Variants in THADA observed in about 807,000 individuals in gnomAD.
THADA encodes the protein THADA armadillo repeat containing, also known as tRNA (32-2'-O)-methyltransferase regulator THADA.
Under a neutral mutation model 219.8 loss-of-function variants are expected in THADA, and 213 were observed. The ratio of observed to expected loss-of-function variants is 0.97; its 90% CI spans 0.87 to 1.09. THADA has a LOEUF of 1.09. THADA is among the 50% of genes least tolerant of loss of function. The pLI is 0.00. For missense variants in THADA, 2,956 were observed against 2,311.3 expected, an observed-to-expected ratio of 1.28 and a Z score of -5.72; for synonymous variants, 1,018 against 828.9, an observed-to-expected ratio of 1.23 and a Z score of -3.92.
intron 31 of THADA, among the ~76,000 whole-genome samples, chr2:43,303,736 G>T: frequency 7.8e-6 from 1 of 127,894 alleles, no homozygotes; most frequent in Non-Finnish European, 1.6e-5. Context: ...GGTGGGGCCG[G>T]GGGTGGGGGA....
At chr2:43,279,635 A>G in intron 36 of THADA, 130 bp downstream of exon 36, 1 of 1,213,432 alleles carries the variant, frequency 8.2e-7, no homozygotes, top group South Asian at 1.7e-5. Context: ...CTTTCCCACT[A>G]AGATGGCAGA....
intron 26 of THADA, among the ~76,000 whole-genome samples, chr2:43,465,092 AT>A (rs1452353909): frequency 6.6e-6 from 1 of 152,082 alleles, no homozygotes; most frequent in Non-Finnish European, 1.5e-5. Flanking sequence ...GAAAACCTTG[AT>A]TTGGCAGTTT....
At chr2:43,448,566 T>C (rs1424527492) in intron 26 of THADA, among the ~76,000 whole-genome samples, 3 of 149,930 alleles carry the variant, frequency 2.0e-5, no homozygotes, top group African/African-American at 7.4e-5. Flanking sequence ...CTTTCTTTTT[T>C]TTTTTTTTTT....
At chr2:43,478,826 T>G (rs185971637) in intron 26 of THADA, among the ~76,000 whole-genome samples, 15 of 152,214 alleles carry the variant, frequency 9.9e-5, no homozygotes, top group African/African-American at 3.6e-4. Context: ...AAAACTTTAT[T>G]TGTGGTTCTC....
At position 43,591,954 on chromosome 2, in the gene THADA, GT is replaced by G; in HGVS notation, c.168del (p.Lys56AsnfsTer27). On this transcript the variant is annotated frameshift_variant, in exon 3 of 38. Transcript: ENST00000405975. LOFTEE classifies it high-confidence loss of function. ...CATGAATATCAATTCAGACTTACCT[GT>G]TTAATATAATGGATTTGTGACACTC... ...TDGVSQIHYI[K>X]QIVPLLEKAD... 2 of 1,533,792 alleles carry G rather than the reference GT, an allele frequency of 1.3e-6. No homozygotes were observed. Among genetic ancestry groups the G allele is most frequent in the Non-Finnish European group, 8.8e-7 (1 of 1,136,992 alleles).
chr2:43,231,378 C>G, intron 37 of THADA, 35 bp from the exon 38 acceptor site: 1 of 1,480,416 alleles, frequency 6.8e-7, no homozygotes, highest in Non-Finnish European at 9.0e-7. Flanking sequence ...GTCAGTCTTA[C>G]AGGGAATGGT....
intron 25 of THADA, among the ~76,000 whole-genome samples, chr2:43,498,632 G>C (rs1035499856): frequency 6.6e-6 from 1 of 151,502 alleles, no homozygotes; most frequent in Non-Finnish European, 1.5e-5. Context: ...AAAAAAGAAA[G>C]ATGGCTAACA....
intron 29 of THADA, among the ~76,000 whole-genome samples, chr2:43,396,652 T>C (rs1674075900): frequency 1.3e-5 from 2 of 151,572 alleles, no homozygotes; most frequent in South Asian, 4.2e-4. Flanking sequence ...AATACAAAAA[T>C]TAGTGACTGT....
intron 3 of THADA, 59 bp from the exon 4 acceptor site, chr2:43,591,013 T>C (rs1028011649): frequency 1.3e-6 from 2 of 1,508,924 alleles, no homozygotes; most frequent in African/African-American, 2.8e-5. Context: ...AGTAACATGG[T>C]TACAGATACT....
At chr2:43,364,184 C>T (rs1669858711) in intron 29 of THADA, among the ~76,000 whole-genome samples, 1 of 152,082 alleles carries the variant, frequency 6.6e-6, no homozygotes, top group South Asian at 2.1e-4. Flanking sequence ...AGATCTGCTG[C>T]TGCACTCCAG....
At position 43,579,309 on chromosome 2, in the gene THADA, T is replaced by C. The variant is rs1700170208; in HGVS notation, c.722-702A>G. ...TATCCCAATCACCATATACACAGAC[T>C]TTTTCAAAAAGAGATTTCAGGGCTT... On this transcript the variant is annotated intron_variant, in intron 8 of 37. Transcript: ENST00000405975. Among the ~76,000 whole-genome samples, 3 of 152,142 alleles carry C rather than the reference T, an allele frequency of 2.0e-5. No individual in the cohort carries two copies. In the South Asian group the frequency reaches 6.2e-4, roughly 31 times the overall value.
chr2:43,355,885 ATAT>A (rs1459175490), intron 29 of THADA, among the ~76,000 whole-genome samples: 1 of 152,242 alleles, frequency 6.6e-6, no homozygotes, highest in Non-Finnish European at 1.5e-5. Flanking sequence ...GGGATTCATT[ATAT>A]TATTTGTGTA....
Position 43,586,900 on chromosome 2 carries a change from C to T in THADA, c.405G>A (p.Arg135=). 3 of 1,613,854 alleles carry T rather than the reference C, an allele frequency of 1.9e-6. No individual in the cohort carries two copies. Among genetic ancestry groups the T allele is most frequent in the Non-Finnish European group, 2.5e-6 (3 of 1,179,856 alleles). Residue 135 remains arginine (R), a synonymous_variant, in exon 5 of 38, where the codon AGG becomes AGA. Transcript: ENST00000405975. Reference sequence around the variant, plus strand: ...AGGAAGAAATATTGTCAGTAACTTTCCTGTAAGAGTATAAGTCAGTAGTAT... The same window carrying T: ...AGGAAGAAATATTGTCAGTAACTTTTCTGTAAGAGTATAAGTCAGTAGTAT... ...ELNTTDLYSY[R]KVTDNISSCM...
intron 20 of THADA, among the ~76,000 whole-genome samples, chr2:43,546,846 C>T (rs1383349058): frequency 6.6e-6 from 1 of 152,026 alleles, no homozygotes; most frequent in African/African-American, 2.4e-5. Flanking sequence ...CTGTGTCTTT[C>T]AATTGGAGCA....
At chr2:43,291,840 G>C in intron 33 of THADA, 72 bp from the exon 34 acceptor site, 1 of 1,357,782 alleles carries the variant, frequency 7.4e-7, no homozygotes, top group Non-Finnish European at 1.0e-6. Flanking sequence ...GGTTTTTGCA[G>C]ATAGTCTGTA....
intron 26 of THADA, among the ~76,000 whole-genome samples, chr2:43,432,849 G>A (rs1208829186): frequency 2.0e-5 from 3 of 152,084 alleles, no homozygotes; most frequent in African/African-American, 7.2e-5. Context: ...CAAGATTTTT[G>A]CTCATTTTTA....
intron 20 of THADA, among the ~76,000 whole-genome samples, chr2:43,541,657 C>T (rs569496508): frequency 4.6e-5 from 7 of 152,080 alleles, no homozygotes; most frequent in African/African-American, 9.6e-5. Context: ...TACAGGTATG[C>T]GCCACCACAC....
chr2:43,442,373 T>A (rs1239006987), intron 26 of THADA, among the ~76,000 whole-genome samples: 2 of 151,368 alleles, frequency 1.3e-5, no homozygotes, highest in Non-Finnish European at 2.9e-5. Context: ...GAGGCGGAGG[T>A]TGCAGTGAGC....
intron 36 of THADA, among the ~76,000 whole-genome samples, chr2:43,265,993 A>T (rs1273372353): frequency 9.2e-6 from 1 of 108,978 alleles, no homozygotes; most frequent in Non-Finnish European, 1.9e-5. Flanking sequence ...ACACACACAG[A>T]CTCTTGAGGG....
Sources: allele counts gnomAD v4.1 joint callset (sites outside exome capture counted in the v4.1 genomes callset), GRCh38; gene constraint gnomAD v4.1.1; transcripts MANE v1.5; gene names NCBI Gene and HGNC (gene_info 2026-07-23, HGNC 2026-07-21).